PARD3B: variants seen among roughly 807,000 people sequenced by gnomAD.
The protein encoded by PARD3B is partitioning defective 3 homolog B.
Under a neutral mutation model 130.2 loss-of-function variants are expected in PARD3B, and 103 were observed. The ratio of observed to expected loss-of-function variants is 0.79; its 90% confidence interval spans 0.67 to 0.93. PARD3B has a LOEUF of 0.93. PARD3B is among the 40% of genes least tolerant of loss of function. The pLI, the probability that PARD3B is intolerant of heterozygous loss-of-function variation, is 0.00. For synonymous variants in PARD3B, 583 were observed against 553.2 expected (o/e 1.05, Z -0.76); for missense variants, 1,609 against 1,499.2 (o/e 1.07, Z -1.21).
At chr2:205,540,004 C>G (rs2106456504) in intron 21 of PARD3B, among the ~76,000 whole-genome samples, 1 of 152,280 alleles carries the variant, frequency 6.6e-6, no homozygotes, top group South Asian at 2.1e-4. Flanking sequence ...TTTAGTATCA[C>G]TACTCAGCTT....
In PARD3B at chr2:205,176,358, T is replaced by C. The variant is rs73059247; in HGVS notation, c.1792-87T>C. ...TAATAGACTCTTGAAAGACTATTCA[T>C]ACAGCGATCATTCTTTCACTTTGCT... On this transcript the variant is annotated intron_variant, in intron 12 of 22. Coordinates refer to ENST00000406610, the MANE Select transcript of PARD3B (RefSeq NM_001302769.2). This position sits in a 1 kb window ranked among gnomAD's most constrained non-coding sequence, Gnocchi z 5.3. The C allele has an allele frequency of 2.6e-3, 3,383 of 1,311,804 alleles. 56 individuals are homozygous for C. In the African/African-American group the frequency reaches 0.04, roughly 15 times the overall value. The allele number at this position is 1,311,804 out of a possible 1,614,324, so 81.3% of individuals were successfully genotyped here.
rs919534194 is a variant in PARD3B at position 204,689,270 on chromosome 2, T to C, written c.222+2988T>C. On this transcript the variant is annotated intron_variant, in intron 2 of 22. Transcript: ENST00000406610. The surrounding 1 kb of genome is among the most constrained non-coding windows in gnomAD (Gnocchi z 5.2). ...CATAGTGCTTGGCGCATACATGGTA[T>C]CTGCTTGGGAGCTTTGGTTTTTTAA... Among the ~76,000 whole-genome samples, 2 of 152,198 alleles carry C rather than the reference T, an allele frequency of 1.3e-5. No individual in the cohort carries two copies. Among genetic ancestry groups the C allele is most frequent in the African/African-American group, 4.8e-5 (2 of 41,466 alleles).
intron 22 of PARD3B, among the ~76,000 whole-genome samples, chr2:205,611,633 C>A (rs1390078253): frequency 8.5e-5 from 13 of 152,168 alleles, no homozygotes; most frequent in African/African-American, 2.4e-4. Flanking sequence ...AAATCTGAAT[C>A]CTTCTGGCCT....
chr2:205,425,508 A>G (rs1395925397), intron 19 of PARD3B, among the ~76,000 whole-genome samples: 1 of 151,802 alleles, frequency 6.6e-6, no homozygotes, highest in Non-Finnish European at 1.5e-5. Flanking sequence ...GTAGGTAGGA[A>G]TTGCAAATCC....
intron 4 of PARD3B, among the ~76,000 whole-genome samples, chr2:205,100,899 C>A (rs898464169): frequency 6.6e-6 from 1 of 152,004 alleles, no homozygotes; most frequent in Non-Finnish European, 1.5e-5. Flanking sequence ...TATAATAAAA[C>A]AAAGGTGTAC....
chr2:204,833,446 T>C (rs371893144), intron 2 of PARD3B, among the ~76,000 whole-genome samples: 1 of 152,018 alleles, frequency 6.6e-6, no homozygotes, highest in Admixed American at 6.6e-5. Context: ...TCTTGACTTA[T>C]GCCCCTTCTG....
intron 1 of PARD3B, among the ~76,000 whole-genome samples, chr2:204,629,293 G>T (rs2034599510): frequency 6.6e-6 from 1 of 152,138 alleles, no homozygotes; most frequent in Non-Finnish European, 1.5e-5. Context: ...TTAGAGATTT[G>T]CCCCTTCCCT....
rs76309232 is a variant in PARD3B, at chr2:204,919,377, G to A, written c.223-45775G>A. 2.3e-3 allele frequency among the ~76,000 whole-genome samples: 344 copies of A among 152,226 alleles called. 1 individual carries two copies. The highest frequency in any genetic ancestry group is 7.8e-3 in the African/African-American group (325 of 41,544). ...GATATGAAACACTGCAACCACTTCC[G>A]AAAATCACCTTTTCCCAGTCAATCC... is the stretch of plus-strand genomic sequence containing the variant. On this transcript the variant is annotated intron_variant, in intron 2 of 22. Coordinates refer to ENST00000406610, the MANE Select transcript of PARD3B (RefSeq NM_001302769.2).
intron 8 of PARD3B, among the ~76,000 whole-genome samples, chr2:205,123,818 A>T (rs1322250762): frequency 1.3e-5 from 2 of 152,126 alleles, no homozygotes; most frequent in Non-Finnish European, 2.9e-5. Context: ...TGAGTGAAAA[A>T]TACATGAGAA....
At position 205,276,662 on chromosome 2, in the gene PARD3B, G is replaced by C. The variant is rs547507377; in HGVS notation, c.2186-23868G>C. Among the ~76,000 whole-genome samples, 1 of 152,162 alleles carries C rather than the reference G, an allele frequency of 6.6e-6. No individual in the cohort carries two copies. Among genetic ancestry groups the C allele is most frequent in the Admixed American group, 6.5e-5 (1 of 15,280 alleles). ...AGTGGCTTGCAGCGCTTTATCAGCC[G>C]ACATTTACACAGAAACTCCTGCCTC... On this transcript the variant is annotated intron_variant, in intron 16 of 22. Coordinates refer to ENST00000406610, the MANE Select transcript of PARD3B (RefSeq NM_001302769.2). This position sits in a 1 kb window ranked among gnomAD's most constrained non-coding sequence, Gnocchi z 5.0.
intron 2 of PARD3B, among the ~76,000 whole-genome samples, chr2:204,908,423 G>C (rs950204215): frequency 7.9e-5 from 12 of 152,272 alleles, no homozygotes; most frequent in African/African-American, 2.6e-4. Flanking sequence ...CATTGTTTTT[G>C]TCATCAGGCT....
rs2046394524 is a variant in PARD3B at position 205,405,647 on chromosome 2, C to T, written c.2741+4524C>T. ...TTATTTTTAACCTTGGCCTGCTGAG[C>T]ATCGGCGTTAGTGATGGTGACCCGT... On this transcript the variant is annotated intron_variant, in intron 19 of 22. Transcript: ENST00000406610. The surrounding 1 kb of genome is among the most constrained non-coding windows in gnomAD (Gnocchi z 4.1). Among the ~76,000 whole-genome samples, 1 of 152,184 alleles carries T rather than the reference C, an allele frequency of 6.6e-6. No homozygotes were observed. The highest frequency in any genetic ancestry group is 6.6e-5 in the Admixed American group (1 of 15,266).
At chr2:205,406,368 G>T (rs1320206291) in intron 19 of PARD3B, among the ~76,000 whole-genome samples, 1 of 152,102 alleles carries the variant, frequency 6.6e-6, no homozygotes, top group African/African-American at 2.4e-5. Flanking sequence ...TAATGGAAGG[G>T]AAAAGTCCTT....
At position 205,185,841 on chromosome 2, in the gene PARD3B, G is replaced by A. The variant is rs1298528866; in HGVS notation, c.2002G>A (p.Gly668Ser). 1 of 1,613,666 alleles carries A rather than the reference G, an allele frequency of 6.2e-7. No individual in the cohort carries two copies. The highest frequency in any genetic ancestry group is 8.5e-7 in the Non-Finnish European group (1 of 1,179,738). Residue 668 changes from glycine to serine, a missense_variant, in exon 14 of 23, where the codon GGC (glycine) becomes AGC (serine). Gly to Ser is a moderately conservative substitution (Grantham distance 56, BLOSUM62 0). Transcript: ENST00000406610. ...SPTPHSALGL[G>S]LEDYSHSSGV... ...AACACCACATTCTGCTCTGGGATTG[G>A]GCCTCGAAGATTACAGCCACAGGTA... is the stretch of plus-strand genomic sequence containing the variant.
At chr2:205,521,246 A>G (rs2051037603) in intron 21 of PARD3B, among the ~76,000 whole-genome samples, 1 of 152,028 alleles carries the variant, frequency 6.6e-6, no homozygotes, top group South Asian at 2.1e-4. Context: ...TTTCTTAATT[A>G]CAACTGAGAA....
intron 3 of PARD3B, among the ~76,000 whole-genome samples, chr2:204,998,677 G>A (rs1183652555): frequency 6.6e-6 from 1 of 151,562 alleles, no homozygotes; most frequent in Admixed American, 6.6e-5. Context: ...ATCCACTGAG[G>A]TGGTTAAATG....
chr2:205,193,212 G>A lies in PARD3B; in HGVS notation c.2032G>A (p.Val678Met), dbSNP rs1428087999. The part of the protein sequence containing the change: ...GLEDYSHSSG[V>M]DSAVYFPDQH... Reference sequence around the variant, plus strand: ...TATGGCTTCCTTCCACAGCTCTGGGGTGGATTCAGCAGTATATTTTCCAGA... The same window carrying A: ...TATGGCTTCCTTCCACAGCTCTGGGATGGATTCAGCAGTATATTTTCCAGA... The change falls in exon 15 of 23, where the codon GTG becomes ATG. Residue 678 changes from valine (V) to methionine (M), a missense_variant. Val to Met is a conservative substitution (Grantham distance 21). Coordinates refer to ENST00000406610, the MANE Select transcript of PARD3B (RefSeq NM_001302769.2). The A allele has an allele frequency of 2.5e-6, 4 of 1,604,894 alleles. No individual in the cohort carries two copies. The Admixed American group carries it at 5.0e-5, about 20-fold the overall frequency.
At chr2:204,872,633 G>A (rs1172913796) in intron 2 of PARD3B, among the ~76,000 whole-genome samples, 3 of 152,102 alleles carry the variant, frequency 2.0e-5, no homozygotes, top group Non-Finnish European at 4.4e-5. Context: ...AGTTGTTAAA[G>A]GTCATCTACC....
intron 12 of PARD3B, among the ~76,000 whole-genome samples, chr2:205,172,660 C>CT (rs1380322491): frequency 6.6e-6 from 1 of 152,156 alleles, no homozygotes; most frequent in Non-Finnish European, 1.5e-5. Context: ...TCTTTATATA[C>CT]TTTTTTGGTT....
Sources: gnomAD v4.1 joint callset for allele counts (sites outside exome capture counted in the v4.1 genomes callset) on GRCh38, gnomAD v4.1.1 for gene constraint, Gnocchi (gnomAD v3.1) non-coding constraint, MANE v1.5 for transcripts, NCBI Gene and HGNC (gene_info 2026-07-23, HGNC 2026-07-21) for gene names.